Variants in PABPN1L observed in about 807,000 individuals in gnomAD.
PABPN1L encodes the protein embryonic polyadenylate-binding protein 2.
Under a neutral mutation model 34.0 loss-of-function variants are expected in PABPN1L, and 45 were observed. The observed-to-expected ratio is 1.32, with a 90% CI of 1.04 to 1.70. The LOEUF (loss-of-function observed/expected upper bound fraction) is 1.70. PABPN1L is among the 40% of genes most tolerant of loss of function. PABPN1L has a pLI of 0.00. For missense variants in PABPN1L, 459 were observed against 367.8 expected, an observed-to-expected ratio of 1.25 and a Z score of -2.03; for synonymous variants, 182 against 152.1, an observed-to-expected ratio of 1.20 and a Z score of -1.45.
chr16:88,867,222 T>G (rs983658226), upstream of PABPN1L, among the ~76,000 whole-genome samples: 1 of 118,278 alleles, frequency 8.5e-6, no homozygotes, highest in South Asian at 2.2e-4. Flanking sequence ...TTCTGGGCCT[T>G]TTTTTTTTTT....
At chr16:88,864,165 G>C in intron 6 of PABPN1L, 72 bp downstream of exon 6, 1 of 1,483,408 alleles carries the variant, frequency 6.7e-7, no homozygotes. Context: ...CGAGCTCAGG[G>C]ACCCCCTCCT....
At chr16:88,865,780 G>T in intron 2 of PABPN1L, 26 bp downstream of exon 2, 1 of 1,589,334 alleles carries the variant, frequency 6.3e-7, no homozygotes. Flanking sequence ...GCTCAGTGGG[G>T]GGCGGCCTGT....
rs1269246226 is a variant in PABPN1L, at chr16:88,865,695, G to T, written c.392-65C>A. The T allele has an allele frequency of 3.2e-6, 5 of 1,557,118 alleles. No homozygotes were observed. The East Asian group carries it at 9.1e-5, about 28-fold the overall frequency. On this transcript the variant is annotated intron_variant, in intron 2 of 6. Coordinates refer to ENST00000419291, the Ensembl canonical transcript of PABPN1L. ...CTTCCTCACTCCTCTCACGGGGAAG[G>T]TCGCCCAGGCTTATAGGGGAGGTGA...
chr16:88,867,513 G>A (rs560970364), upstream of PABPN1L, among the ~76,000 whole-genome samples: 68 of 152,314 alleles, frequency 4.5e-4, no homozygotes, highest in Non-Finnish European at 6.5e-4. Context: ...TTACAGGCGT[G>A]AGCACCGCAC....
chr16:88,865,265 G>A lies in PABPN1L; in HGVS notation c.460-137C>T, dbSNP rs73254209. ...CCCCAGGCCTCCACCCCACACCCCC[G>A]CTGGGGTTGGAGGGAAGAGAGGAAA... On this transcript the variant is annotated intron_variant, in intron 3 of 6. Transcript: ENST00000419291. 6.9e-3 allele frequency: 6,202 copies of A among 894,976 alleles called. 259 individuals carry two copies. In the African/African-American group the frequency reaches 0.094, roughly 14 times the overall value. The allele number at this position is 894,976 out of a possible 1,614,324, so 55.4% of individuals were successfully genotyped here. A position where few individuals can be genotyped will look rare whatever the true frequency, so the allele number is the denominator to read the frequency against.
upstream of PABPN1L, among the ~76,000 whole-genome samples, chr16:88,868,232 T>G (rs1336869699): frequency 6.6e-6 from 1 of 152,288 alleles, no homozygotes; most frequent in Admixed American, 6.5e-5. Context: ...TAGAGGTGTA[T>G]CTTGCCAAGG....
At chr16:88,864,130 T>C in intron 6 of PABPN1L, 107 bp downstream of exon 6, 1 of 1,375,592 alleles carries the variant, frequency 7.3e-7, no homozygotes, top group South Asian at 1.5e-5. Context: ...CCCCGCCAGG[T>C]ACATTCCTGC....
chr16:88,867,113 T>C (rs1392679952), upstream of PABPN1L, among the ~76,000 whole-genome samples: 5 of 152,058 alleles, frequency 3.3e-5, no homozygotes, highest in African/African-American at 1.2e-4. Context: ...CCGAGGCAGG[T>C]TGGGGCGGGG....
At chr16:88,863,978 A>T (rs1968514051) in intron 6 of PABPN1L, among the ~76,000 whole-genome samples, 183 bp from the exon 7 acceptor site, 1 of 152,172 alleles carries the variant, frequency 6.6e-6, no homozygotes, top group East Asian at 1.9e-4. Context: ...AAGGAAAGGC[A>T]GTGCCAGGAG....
chr16:88,864,196 T>C lies in PABPN1L; in HGVS notation c.797+41A>G, dbSNP rs1398299821. 5.4e-6 allele frequency: 8 copies of C among 1,476,826 alleles called. No homozygotes were observed. In the African/African-American group the frequency reaches 1.2e-4, roughly 22 times the overall value. The allele number at this position is 1,476,826 out of a possible 1,614,324, so 91.5% of individuals were successfully genotyped here. On this transcript the variant is annotated intron_variant, in intron 6 of 6. Coordinates refer to ENST00000419291, the Ensembl canonical transcript of PABPN1L. ...CTCCTGCCCCTGATGCCCTCCACCA[T>C]GGCCCTCGCCCCCAGGCTGCCCCCA...
Position 88,865,604 on chromosome 16 carries a change from C to A in PABPN1L, c.418G>T (p.Glu140Ter). 1 of 1,610,580 alleles carries A rather than the reference C, an allele frequency of 6.2e-7. No homozygotes were observed. Reference sequence around the variant, plus strand: ...GATCTGTGGTCAGCCTCCACCTTCTCCTCGGGGGTCCCAGAGAGGGGGCAG... The same window carrying A: ...GATCTGTGGTCAGCCTCCACCTTCTACTCGGGGGTCCCAGAGAGGGGGCAG... The change falls in exon 3 of 7, where the codon GAG becomes TAG. Residue 140 changes from glutamate (E) to a stop codon, truncating the protein, a stop_gained. Coordinates refer to ENST00000419291, the Ensembl canonical transcript of PABPN1L. LOFTEE classifies it high-confidence loss of function.
chr16:88,866,051 C>A lies in PABPN1L; in HGVS notation c.256-110G>T, dbSNP rs543684112. 1,174 of 1,430,656 alleles carry A rather than the reference C, an allele frequency of 8.2e-4. 11 individuals are homozygous for A. In the African/African-American group the frequency reaches 0.015, roughly 18 times the overall value. 88.6% of individuals were successfully genotyped at this position (1,430,656 alleles called of 1,614,324 possible). A position where few individuals can be genotyped will look rare whatever the true frequency, so the allele number is the denominator to read the frequency against. The stretch of plus-strand genomic sequence containing the variant: ...GAGGGTCACAGCCCCAAGGGGCAGC[C>A]CTTCTCTGGACAGGGACACTCCTTC... On this transcript the variant is annotated intron_variant, in intron 1 of 6. Transcript: ENST00000419291.
At chr16:88,865,082 C>T (rs948836456) in exon 4 of PABPN1L, 14 of 1,593,492 alleles carry the variant, frequency 8.8e-6, no homozygotes, top group African/African-American at 4.0e-5. Context: ...CTCCCCACAG[C>T]GGCTGAAGTG....
At position 88,864,951 on chromosome 16, in the gene PABPN1L, G is replaced by A. The variant is rs1479094631; in HGVS notation, c.567-11C>T. On this transcript the variant is annotated splice_polypyrimidine_tract_variant and intron_variant, in intron 4 of 6. Coordinates refer to ENST00000419291, the Ensembl canonical transcript of PABPN1L. Reference sequence around the variant, plus strand: ...TCTATGTAGGCATAACTGAGGGGAGGGGCAGGGAGGGGAGGGGTGAGGCTG... The same window carrying A: ...TCTATGTAGGCATAACTGAGGGGAGAGGCAGGGAGGGGAGGGGTGAGGCTG... The A allele has an allele frequency of 6.3e-7, 1 of 1,580,272 alleles. No homozygotes were observed. The highest frequency in any genetic ancestry group is 8.6e-7 in the Non-Finnish European group (1 of 1,167,768).
In PABPN1L at chr16:88,866,520, G is replaced by T. The variant is rs374827122; in HGVS notation, c.87C>A (p.Gly29=). 3.4e-5 allele frequency: 52 copies of T among 1,551,036 alleles called. No individual in the cohort carries two copies. The African/African-American group carries it at 5.1e-4, about 15-fold the overall frequency. ...CCTTGGTCTCGTTCCAGGCCCCCCAGCCCTGGGCCTCAGGGTCTGAGGAGA... is the reference window on the plus strand; with the variant it reads ...CCTTGGTCTCGTTCCAGGCCCCCCATCCCTGGGCCTCAGGGTCTGAGGAGA... The change falls in exon 1 of 7, where the codon GGC becomes GGA. Residue 29 remains glycine (G), a synonymous_variant. Coordinates refer to ENST00000419291, the Ensembl canonical transcript of PABPN1L.
At chr16:88,864,253 G>A (rs1481276638) in exon 6 of PABPN1L, 4 of 1,539,144 alleles carry the variant, frequency 2.6e-6, no homozygotes, top group Non-Finnish European at 2.6e-6. Flanking sequence ...TGCCCTTGTG[G>A]TCTGAGCCGG....
chr16:88,864,521 C>T, intron 5 of PABPN1L, 142 bp from the exon 6 acceptor site: 2 of 1,256,078 alleles, frequency 1.6e-6, no homozygotes, highest in African/African-American at 1.5e-5. Flanking sequence ...CCTGCCTTTG[C>T]CTACCATAGC....
chr16:88,868,632 GGGTTTGGA>G (rs1282799051), upstream of PABPN1L, among the ~76,000 whole-genome samples: 6 of 151,966 alleles, frequency 3.9e-5, no homozygotes, highest in African/African-American at 1.4e-4. Flanking sequence ...AACCCAAAGA[GGGTTTGGA>G]GACTTTTATA....
At chr16:88,864,577 G>A (rs981836521) in intron 5 of PABPN1L, among the ~76,000 whole-genome samples, 198 bp from the exon 6 acceptor site, 2 of 131,224 alleles carry the variant, frequency 1.5e-5, no homozygotes, top group Admixed American at 8.6e-5. Flanking sequence ...CAGAGGGGGG[G>A]GTCACGGCCA....
Sources: gnomAD v4.1 joint callset for allele counts (sites outside exome capture counted in the v4.1 genomes callset) on GRCh38, gnomAD v4.1.1 for gene constraint, MANE v1.5 for transcripts, NCBI Gene and HGNC (gene_info 2026-07-23, HGNC 2026-07-21) for gene names.